ZNF875: variants seen among roughly 807,000 people sequenced by gnomAD.
The protein encoded by ZNF875 is zinc finger protein 875, also known as HKR1, GLI-Kruppel zinc finger family member.
Under a neutral mutation model 11.2 loss-of-function variants are expected in ZNF875, and 14 were observed. The observed-to-expected ratio is 1.26, with a 90% confidence interval of 0.83 to 1.96. The LOEUF is 1.96. Ranked by LOEUF, ZNF875 falls within the 30% of genes most tolerant of loss-of-function variation. The pLI is 0.00. For synonymous variants in ZNF875, 301 were observed against 281.1 expected (o/e 1.07, Z -0.71); for missense variants, 752 against 760.4 (o/e 0.99, Z 0.13).
chr19:37,359,756 A>T (rs915165096), intron 4 of ZNF875: 2 of 178,812 alleles, frequency 1.1e-5, no homozygotes, highest in African/African-American at 4.8e-5. Context: ...TGCCTATTCA[A>T]TTCTTTTCTT....
intron 2 of ZNF875, among the ~76,000 whole-genome samples, chr19:37,341,227 A>T (rs1462956529): frequency 6.6e-6 from 1 of 152,224 alleles, no homozygotes; most frequent in Non-Finnish European, 1.5e-5. Context: ...TTGCTGTATA[A>T]TGAACAATCC....
intron 4 of ZNF875, among the ~76,000 whole-genome samples, chr19:37,354,525 CTTAT>C (rs1031882653): frequency 4.6e-5 from 7 of 151,806 alleles, no homozygotes; most frequent in African/African-American, 1.7e-4. Flanking sequence ...CTTCCTCATA[CTTAT>C]TTTTGAATTG....
Position 37,362,260 on chromosome 19 carries a change from A to G in ZNF875, c.408A>G (p.Pro136=). ...GNPLHLGKHY[P]EDQKQQQDPF... is the part of the protein sequence containing the mutation. ...CTCTCCACCTGGGAAAACACTATCCAGAAGATCAGAAACAACAGCAGGATC... is the reference window on the plus strand; with the variant it reads ...CTCTCCACCTGGGAAAACACTATCCGGAAGATCAGAAACAACAGCAGGATC... The change falls in exon 5 of 5, where the codon CCA becomes CCG. Residue 136 remains proline (P), a synonymous_variant. Transcript: ENST00000392153. 6.2e-7 allele frequency: 1 copy of G among 1,614,214 alleles called. No individual in the cohort carries two copies. Among genetic ancestry groups the G allele is most frequent in the Non-Finnish European group, 8.5e-7 (1 of 1,180,028 alleles).
intron 4 of ZNF875, among the ~76,000 whole-genome samples, chr19:37,349,161 T>G (rs577989607): frequency 6.6e-6 from 1 of 152,294 alleles, no homozygotes; most frequent in East Asian, 1.9e-4. Flanking sequence ...CAAATTTTCC[T>G]TGTTTGTAAG....
chr19:37,336,061 G>T (rs754626273), intron 2 of ZNF875, among the ~76,000 whole-genome samples: 1 of 152,130 alleles, frequency 6.6e-6, no homozygotes, highest in African/African-American at 2.4e-5. Flanking sequence ...ACATACATGC[G>T]TAATTGTTCA....
chr19:37,359,087 A>T (rs2039461176), intron 4 of ZNF875, among the ~76,000 whole-genome samples: 2 of 151,460 alleles, frequency 1.3e-5, no homozygotes, highest in African/African-American at 4.9e-5. Context: ...TTTGGTAAAG[A>T]CAGGGTTTCT....
intron 4 of ZNF875, among the ~76,000 whole-genome samples, chr19:37,350,799 CTTTTTTTTTTTTTT>C (rs61142979): frequency 1.1e-5 from 1 of 91,266 alleles, no homozygotes; most frequent in African/African-American, 4.4e-5. Context: ...ATTCTTTTTG[CTTTTTTTTTTTTTT>C]TTTTTTTTGA....
At chr19:37,342,009 A>C (rs2035820407) in intron 2 of ZNF875, among the ~76,000 whole-genome samples, 1 of 152,206 alleles carries the variant, frequency 6.6e-6, no homozygotes, top group African/African-American at 2.4e-5. Flanking sequence ...CCCATGTACC[A>C]GATTTGGGAC....
intron 4 of ZNF875, among the ~76,000 whole-genome samples, chr19:37,328,090 A>G (rs542705851): frequency 6.6e-6 from 1 of 152,140 alleles, no homozygotes; most frequent in Admixed American, 6.5e-5. Flanking sequence ...AAAAATACAA[A>G]TTAGCTGGGT....
At chr19:37,344,888 C>T in intron 2 of ZNF875, 1 of 731,530 alleles carries the variant, frequency 1.4e-6, no homozygotes, top group Non-Finnish European at 2.5e-6. Context: ...AAAAGCAAAT[C>T]ACAACAGGGA....
At chr19:37,359,084 A>G (rs1336801254) in intron 4 of ZNF875, among the ~76,000 whole-genome samples, 2 of 151,488 alleles carry the variant, frequency 1.3e-5, no homozygotes, top group Non-Finnish European at 2.9e-5. Flanking sequence ...ATTTTTGGTA[A>G]AGACAGGGTT....
intron 4 of ZNF875, among the ~76,000 whole-genome samples, chr19:37,352,968 G>A (rs1263342273): frequency 6.8e-6 from 1 of 147,394 alleles, no homozygotes; most frequent in African/African-American, 2.5e-5. Flanking sequence ...CTGCCTCCTG[G>A]GTTCAAGGGA....
chr19:37,350,095 C>T (rs561007134), intron 4 of ZNF875, among the ~76,000 whole-genome samples: 90 of 136,960 alleles, frequency 6.6e-4, no homozygotes, highest in African/African-American at 2.5e-3. Context: ...CCACGCCCGG[C>T]CCCCACTGGC....
intron 4 of ZNF875, among the ~76,000 whole-genome samples, chr19:37,348,468 TA>T (rs2037251841): frequency 6.6e-6 from 1 of 152,226 alleles, no homozygotes; most frequent in Admixed American, 6.5e-5. Context: ...ATTTCCTTCA[TA>T]TGTATGAATC....
intron 2 of ZNF875, among the ~76,000 whole-genome samples, chr19:37,341,095 C>A (rs1289622957): frequency 2.6e-5 from 4 of 152,168 alleles, no homozygotes; most frequent in Non-Finnish European, 1.5e-5. Flanking sequence ...AGGACTGAAT[C>A]TGCTGTTCTC....
At chr19:37,332,811 G>A (rs539754992), upstream of ZNF875, among the ~76,000 whole-genome samples, 51 of 152,206 alleles carry the variant, frequency 3.4e-4, no homozygotes, top group African/African-American at 1.1e-3. Context: ...TCCCCACTGC[G>A]TTTATAATTT....
chr19:37,324,968 C>T (rs2032165998), intron 4 of ZNF875: 1 of 152,188 alleles, frequency 6.6e-6, no homozygotes, highest in Admixed American at 6.6e-5. Flanking sequence ...TTAGTAGAAA[C>T]GGGGTTTCAC....
chr19:37,341,737 G>C (rs1225151289), intron 2 of ZNF875, among the ~76,000 whole-genome samples: 3 of 152,132 alleles, frequency 2.0e-5, no homozygotes, highest in Non-Finnish European at 4.4e-5. Flanking sequence ...TGATTCAAAA[G>C]TCCAGTATCT....
chr19:37,335,401 GATATA>G (rs895617784), intron 2 of ZNF875, 144 bp downstream of exon 2: 1 of 561,380 alleles, frequency 1.8e-6, no homozygotes, highest in African/African-American at 1.9e-5. Context: ...GGAGGATTTT[GATATA>G]GTCTTGTAGA....
Sources: allele counts gnomAD v4.1 joint callset (sites outside exome capture counted in the v4.1 genomes callset), GRCh38; gene constraint gnomAD v4.1.1; transcripts MANE v1.5; gene names NCBI Gene and HGNC (gene_info 2026-07-23, HGNC 2026-07-21).